NRXN3: variants seen among roughly 807,000 people sequenced by gnomAD.
NRXN3 encodes the protein neurexin 3, also known as neurexin III.
Under a neutral mutation model 137.6 loss-of-function variants are expected in NRXN3, and 32 were observed. The observed-to-expected ratio is 0.23, with a 90% CI of 0.18 to 0.31. The LOEUF is 0.31. Among genes scored for constraint, NRXN3 ranks in the 10% least tolerant of loss-of-function variants. NRXN3 has a pLI of 1.00. For synonymous variants in NRXN3, 798 were observed against 784.5 expected (o/e 1.02, Z -0.29); for missense variants, 1,574 against 2,062.5 (o/e 0.76, Z 4.59).
chr14:79,709,144 C>T (rs1189435519), intron 19 of NRXN3, among the ~76,000 whole-genome samples: 1 of 152,116 alleles, frequency 6.6e-6, no homozygotes, highest in Non-Finnish European at 1.5e-5. Context: ...TCAGATCGTG[C>T]ACTTCTAACA....
At chr14:78,682,562 T>C (rs1419560622) in intron 6 of NRXN3, among the ~76,000 whole-genome samples, 1 of 152,118 alleles carries the variant, frequency 6.6e-6, no homozygotes, top group African/African-American at 2.4e-5. Context: ...AGGGCATTGA[T>C]TTTAGCTAAT....
chr14:78,267,897 G>A (rs1042443964), intron 2 of NRXN3, among the ~76,000 whole-genome samples: 1 of 152,148 alleles, frequency 6.6e-6, no homozygotes, highest in African/African-American at 2.4e-5. Context: ...TGAGTCTCCA[G>A]TGCCTAAGTC....
chr14:78,691,099 C>T (rs529601965), intron 6 of NRXN3, among the ~76,000 whole-genome samples: 8 of 152,096 alleles, frequency 5.3e-5, no homozygotes, highest in African/African-American at 1.9e-4. Context: ...TCAGGAAACC[C>T]AGGAAAAGAG....
chr14:78,597,583 T>G (rs371346161), intron 4 of NRXN3, among the ~76,000 whole-genome samples: 1 of 152,180 alleles, frequency 6.6e-6, no homozygotes, highest in East Asian at 1.9e-4. Context: ...TAGTTTGACC[T>G]TGGAGAGCAA....
At chr14:78,218,201 A>T (rs1239687092) in intron 1 of NRXN3, among the ~76,000 whole-genome samples, 4 of 152,084 alleles carry the variant, frequency 2.6e-5, no homozygotes, top group Non-Finnish European at 4.4e-5. Context: ...CTACAGAAAA[A>T]AAAAAGTTAC....
chr14:78,628,528 T>A (rs1380876287), intron 4 of NRXN3, among the ~76,000 whole-genome samples: 3 of 152,244 alleles, frequency 2.0e-5, no homozygotes, highest in African/African-American at 2.4e-5. Context: ...GTTTGCTGAA[T>A]GAATGAATAA....
intron 10 of NRXN3, among the ~76,000 whole-genome samples, chr14:78,928,099 G>A (rs1431241196): frequency 6.6e-6 from 1 of 152,122 alleles, no homozygotes; most frequent in African/African-American, 2.4e-5. Context: ...CACAGCAATA[G>A]TGGGGTTGTT....
At chr14:79,094,099 GGTAAAGGACA>G (rs1417102598) in intron 15 of NRXN3, among the ~76,000 whole-genome samples, 1 of 152,026 alleles carries the variant, frequency 6.6e-6, no homozygotes, top group African/African-American at 2.4e-5. Flanking sequence ...TCAGTTAGTG[GGTAAAGGACA>G]GAGAAAATAG....
chr14:78,469,397 G>A (rs75878376), intron 4 of NRXN3, among the ~76,000 whole-genome samples: 5,832 of 152,262 alleles, frequency 0.038, 335 homozygotes, highest in East Asian at 0.31. Flanking sequence ...GTGATGTAAT[G>A]TAATGCAGCC....
In NRXN3 at chr14:78,651,161, C is replaced by T; in HGVS notation, c.1060-4C>T. 6.2e-7 allele frequency: 1 copy of T among 1,612,862 alleles called. No individual in the cohort carries two copies. Among genetic ancestry groups the T allele is most frequent in the East Asian group, 2.2e-5 (1 of 44,844 alleles). On this transcript the variant is annotated splice_region_variant and splice_polypyrimidine_tract_variant and intron_variant, in intron 5 of 20. Transcript: ENST00000335750. Reference sequence around the variant, plus strand: ...TTTTTTTTGTCCCTATGTCCCTCCACCAGGTGACAATCTCTGTGGATGGCA... The same window carrying T: ...TTTTTTTTGTCCCTATGTCCCTCCATCAGGTGACAATCTCTGTGGATGGCA...
At chr14:78,426,475 A>C (rs893793112) in intron 4 of NRXN3, among the ~76,000 whole-genome samples, 2 of 152,250 alleles carry the variant, frequency 1.3e-5, no homozygotes, top group Non-Finnish European at 1.5e-5. Flanking sequence ...GATTAAGAAG[A>C]GAATAGCACA....
intron 1 of NRXN3, among the ~76,000 whole-genome samples, chr14:78,239,725 CAG>C (rs1418311001): frequency 6.6e-6 from 1 of 151,808 alleles, no homozygotes; most frequent in African/African-American, 2.4e-5. Context: ...TTTTTTGAGA[CAG>C]AGTCTTGTTC....
At position 78,553,774 on chromosome 14, in the gene NRXN3, T is replaced by C. The variant is rs556034718; in HGVS notation, c.758-91346T>C. ...CTTATCTAAATCTTGCTCCTTTTTT[T>C]CCATTCTTGCTGATTTAATTTTATC... On this transcript the variant is annotated intron_variant, in intron 4 of 20. Coordinates refer to ENST00000335750, the MANE Select transcript of NRXN3 (RefSeq NM_001330195.2). Among the ~76,000 whole-genome samples, 26 of 152,334 alleles carry C rather than the reference T, an allele frequency of 1.7e-4. 2 individuals carry two copies. The highest frequency in any genetic ancestry group is 6.3e-4 in the African/African-American group (26 of 41,572).
chr14:78,598,281 C>G (rs555956983), intron 4 of NRXN3, among the ~76,000 whole-genome samples: 2 of 152,192 alleles, frequency 1.3e-5, no homozygotes, highest in South Asian at 2.1e-4. Context: ...TTGGTGGTGC[C>G]GCTGACACGT....
intron 8 of NRXN3, among the ~76,000 whole-genome samples, chr14:78,739,333 G>T (rs939768933): frequency 6.6e-6 from 1 of 152,188 alleles, no homozygotes; most frequent in African/African-American, 2.4e-5. Context: ...CGATCCTCAG[G>T]TTTGTTACCT....
chr14:79,556,903 C>A (rs557850000), intron 16 of NRXN3, among the ~76,000 whole-genome samples: 1 of 152,112 alleles, frequency 6.6e-6, no homozygotes, highest in Non-Finnish European at 1.5e-5. Context: ...CTTTGCATAA[C>A]AAAGGCAATT....
At chr14:79,587,461 T>C (rs1345876615) in intron 16 of NRXN3, among the ~76,000 whole-genome samples, 1 of 152,212 alleles carries the variant, frequency 6.6e-6, no homozygotes, top group African/African-American at 2.4e-5. Context: ...CCTCTCTTAA[T>C]TGTCTGGCTT....
intron 15 of NRXN3, among the ~76,000 whole-genome samples, chr14:79,227,609 G>A (rs1407456670): frequency 6.6e-6 from 1 of 151,986 alleles, no homozygotes; most frequent in East Asian, 1.9e-4. Flanking sequence ...ACTTTTTATT[G>A]GTGGATTGTA....
chr14:79,309,721 A>C (rs1287484897), intron 15 of NRXN3, among the ~76,000 whole-genome samples: 5 of 147,346 alleles, frequency 3.4e-5, no homozygotes, highest in Non-Finnish European at 6.0e-5. Flanking sequence ...TTGGCTGCAT[A>C]AATGTCTTCT....
Sources: allele counts gnomAD v4.1 joint callset (sites outside exome capture counted in the v4.1 genomes callset), GRCh38; gene constraint gnomAD v4.1.1; transcripts MANE v1.5; gene names NCBI Gene and HGNC (gene_info 2026-07-23, HGNC 2026-07-21).